The following NAV2 variants were observed in gnomAD, a reference collection of about 807,000 sequenced individuals.
NAV2 encodes helicase, APC down-regulated 1.
In NAV2, 54 loss-of-function variants were observed where a neutral mutation model predicts 223.2. That is an observed-to-expected ratio of 0.24 (90% confidence interval 0.19 to 0.30). The LOEUF (loss-of-function observed/expected upper bound fraction) is 0.30, where lower values mean the gene tolerates loss of function less well. NAV2 is among the 10% of genes least tolerant of loss of function. The pLI is 1.00. For missense variants in NAV2, 2,806 were observed against 3,147.5 expected, an observed-to-expected ratio of 0.89 and a Z score of 2.60; for synonymous variants, 1,279 against 1,239.3, an observed-to-expected ratio of 1.03 and a Z score of -0.67.
intron 10 of NAV2, among the ~76,000 whole-genome samples, chr11:19,953,847 G>GCA (rs11474365): frequency 0.33 from 45,133 of 136,462 alleles, 8,344 homozygotes; most frequent in African/African-American, 0.52. Context: ...CAAGAAATGT[G>GCA]CACGCGCGCG....
At chr11:20,041,874 C>T (rs527901011) in intron 12 of NAV2, among the ~76,000 whole-genome samples, 14 of 152,286 alleles carry the variant, frequency 9.2e-5, no homozygotes, top group Admixed American at 7.2e-4. Context: ...TGATCACTGT[C>T]GCCTACCCAC....
chr11:19,479,616 A>G lies in NAV2; in HGVS notation c.75+128589A>G, dbSNP rs548702819. Among the ~76,000 whole-genome samples the G allele has an allele frequency of 6.6e-5, 10 of 152,292 alleles. No individual in the cohort carries two copies. In the South Asian group the frequency reaches 2.1e-3, roughly 32 times the overall value. On this transcript the variant is annotated intron_variant, in intron 1 of 37. Transcript: ENST00000360655. Reference sequence around the variant, plus strand: ...GATTCGGAACTAAGCTCCTGCCTCTATGTTAGTTGGCCTGTTTGTAGGTCT... The same window carrying G: ...GATTCGGAACTAAGCTCCTGCCTCTGTGTTAGTTGGCCTGTTTGTAGGTCT...
At chr11:20,051,090 T>C (rs1176517701) in intron 16 of NAV2, among the ~76,000 whole-genome samples, 199 bp from the exon 17 acceptor site, 1 of 152,208 alleles carries the variant, frequency 6.6e-6, no homozygotes, top group Non-Finnish European at 1.5e-5. Context: ...TGCGCTGGTG[T>C]CAGCTCAGGC....
intron 10 of NAV2, among the ~76,000 whole-genome samples, chr11:19,983,403 GT>G (rs1241272767): frequency 6.6e-6 from 1 of 152,198 alleles, no homozygotes; most frequent in Non-Finnish European, 1.5e-5. Flanking sequence ...GTTGTTCAGA[GT>G]TTTGTGGCAA....
In NAV2 at chr11:19,787,100, A is replaced by AT. The variant is rs964450492; in HGVS notation, c.268-45376dup. ...TGCCAGATTGCTGCATTTTTATTTT[A>AT]TTTTTTTTGAGATAGTGTCTTGTTC... On this transcript the variant is annotated intron_variant, in intron 1 of 37. Transcript: ENST00000349880. Among the ~76,000 whole-genome samples the AT allele has an allele frequency of 7.8e-4, 118 of 151,318 alleles. 1 individual carries two copies. Among genetic ancestry groups the AT allele is most frequent in the Middle Eastern group, 3.4e-3 (1 of 294 alleles).
chr11:20,036,223 T>A (rs1025984076), intron 12 of NAV2, 126 bp downstream of exon 12: 25 of 1,074,104 alleles, frequency 2.3e-5, no homozygotes, highest in Admixed American at 4.4e-5. Context: ...AGGCCCAGCC[T>A]CCTGCCGCCT....
At chr11:20,052,874 C>T (rs970272981) in intron 17 of NAV2, among the ~76,000 whole-genome samples, 5 of 152,140 alleles carry the variant, frequency 3.3e-5, no homozygotes, top group Non-Finnish European at 7.3e-5. Flanking sequence ...TCAGTAGTCA[C>T]TCCATAATAT....
intron 29 of NAV2, among the ~76,000 whole-genome samples, chr11:20,095,261 G>A (rs897688739): frequency 1.2e-4 from 18 of 152,106 alleles, no homozygotes; most frequent in Admixed American, 4.6e-4. Context: ...CAGAATTGCC[G>A]AAGCAATTTA....
chr11:20,058,148 T>C (rs1483925056), intron 19 of NAV2, among the ~76,000 whole-genome samples: 2 of 152,252 alleles, frequency 1.3e-5, no homozygotes, highest in African/African-American at 2.4e-5. Context: ...TTTTTGAATT[T>C]ATTAACTCCC....
chr11:19,422,974 A>G (rs1414641650), intron 1 of NAV2, among the ~76,000 whole-genome samples: 1 of 152,212 alleles, frequency 6.6e-6, no homozygotes, highest in African/African-American at 2.4e-5. Flanking sequence ...AAAGAGTCAA[A>G]AACTGTGGTC....
chr11:19,755,466 T>A (rs980984106), intron 1 of NAV2, among the ~76,000 whole-genome samples: 3 of 151,844 alleles, frequency 2.0e-5, no homozygotes, highest in African/African-American at 7.3e-5. Flanking sequence ...CATGAACTGG[T>A]GGCTTAAACC....
intron 4 of NAV2, among the ~76,000 whole-genome samples, chr11:19,874,354 G>T (rs560114670): frequency 6.6e-6 from 1 of 152,346 alleles, no homozygotes; most frequent in East Asian, 1.9e-4. Context: ...GGAAGAGAAA[G>T]AACAGGGCTC....
chr11:19,715,976 C>T (rs2050275525), intron 1 of NAV2, among the ~76,000 whole-genome samples: 1 of 152,194 alleles, frequency 6.6e-6, no homozygotes, highest in Non-Finnish European at 1.5e-5. Flanking sequence ...GCACAGCTGA[C>T]ATCAAAGTGA....
chr11:19,852,638 A>G (rs2061207819), intron 3 of NAV2, among the ~76,000 whole-genome samples: 1 of 152,254 alleles, frequency 6.6e-6, no homozygotes, highest in Non-Finnish European at 1.5e-5. Flanking sequence ...TTAACATAAC[A>G]TTTAAGCAAA....
At chr11:19,590,871 T>C (rs2046040974) in intron 1 of NAV2, among the ~76,000 whole-genome samples, 1 of 152,238 alleles carries the variant, frequency 6.6e-6, no homozygotes, top group Non-Finnish European at 1.5e-5. Context: ...ATCTTCAAGA[T>C]AGGCCTTTCT....
At chr11:19,602,002 G>T (rs989815635) in intron 1 of NAV2, among the ~76,000 whole-genome samples, 1 of 152,172 alleles carries the variant, frequency 6.6e-6, no homozygotes, top group Non-Finnish European at 1.5e-5. Context: ...AGGGCCCCAT[G>T]GTCCTGTTGT....
intron 1 of NAV2, among the ~76,000 whole-genome samples, chr11:19,534,247 G>C (rs2044119735): frequency 6.6e-6 from 1 of 152,098 alleles, no homozygotes; most frequent in African/African-American, 2.4e-5. Context: ...TTTATTGCTT[G>C]TCTCCCCCAT....
At chr11:19,593,540 C>T (rs182125705) in intron 1 of NAV2, among the ~76,000 whole-genome samples, 1 of 152,298 alleles carries the variant, frequency 6.6e-6, no homozygotes, top group Admixed American at 6.5e-5. Context: ...AAGTCTTCAT[C>T]TCACAGGGAT....
In NAV2 at chr11:19,672,514, A is replaced by G. The variant is rs904734264; in HGVS notation, c.76-159970A>G. On this transcript the variant is annotated intron_variant, in intron 1 of 37. Transcript: ENST00000360655. ...ATTTTCCACCCATAAAGGGGGTATC[A>G]TGATAGGATCTTCCTCTTGGGGGTA... Among the ~76,000 whole-genome samples, 11 of 152,252 alleles carry G rather than the reference A, an allele frequency of 7.2e-5. No homozygotes were observed. The East Asian group carries it at 1.9e-3, about 27-fold the overall frequency.
Sources: allele counts gnomAD v4.1 joint callset (sites outside exome capture counted in the v4.1 genomes callset), GRCh38; gene constraint gnomAD v4.1.1; transcripts MANE v1.5; gene names NCBI Gene and HGNC (gene_info 2026-07-23, HGNC 2026-07-21).